The following KLF12 variants were observed in gnomAD, a reference collection of about 807,000 sequenced individuals.
The protein encoded by KLF12 is KLF transcription factor 12, also known as Krueppel-like factor 12.
A neutral mutation model predicts 37.8 loss-of-function variants in KLF12; 9 were observed. The observed-to-expected ratio is 0.24, with a 90% confidence interval of 0.14 to 0.42. The LOEUF (loss-of-function observed/expected upper bound fraction) is 0.42, where lower values mean the gene tolerates loss of function less well. Among genes scored for constraint, KLF12 ranks in the 10% least tolerant of loss-of-function variants. The pLI is 1.00. For missense variants in KLF12, 411 were observed against 516.0 expected (o/e 0.80, Z 1.97); for synonymous variants, 208 against 202.1 (o/e 1.03, Z -0.25).
chr13:73,783,910 A>G (rs1881140802), intron 5 of KLF12, among the ~76,000 whole-genome samples: 3 of 152,162 alleles, frequency 2.0e-5, no homozygotes, highest in Non-Finnish European at 4.4e-5. Context: ...CTATCATGTT[A>G]TATTTCCACA....
intron 4 of KLF12, among the ~76,000 whole-genome samples, chr13:73,842,744 A>G (rs2182667): frequency 0.33 from 50,634 of 152,140 alleles, 9,717 homozygotes; most frequent in Non-Finnish European, 0.44. Flanking sequence ...TCCTTTGCTC[A>G]TGCATACCAG....
upstream of KLF12, among the ~76,000 whole-genome samples, chr13:74,135,331 G>C (rs1221199431): frequency 6.6e-6 from 1 of 151,916 alleles, no homozygotes; most frequent in African/African-American, 2.4e-5. Flanking sequence ...GGGGCGGCGG[G>C]GAAGGGAGTC....
intron 3 of KLF12, among the ~76,000 whole-genome samples, chr13:73,925,231 G>A (rs981670964): frequency 6.6e-6 from 1 of 152,220 alleles, no homozygotes. Flanking sequence ...TCTAGGACTT[G>A]CATAGCAAGA....
the KLF12 span, among the ~76,000 whole-genome samples, chr13:74,173,706 T>C: frequency 1.3e-5 from 2 of 152,244 alleles, no homozygotes; most frequent in African/African-American, 4.8e-5. Context: ...CCTGTTGGGG[T>C]TTGAGACATT....
the KLF12 span, among the ~76,000 whole-genome samples, chr13:74,151,408 AG>A: frequency 1.3e-5 from 2 of 152,152 alleles, no homozygotes; most frequent in Non-Finnish European, 2.9e-5. Context: ...CCGAGCACTT[AG>A]GGAGCCCGAG....
chr13:74,165,892 A>G, the KLF12 span, among the ~76,000 whole-genome samples: 1 of 152,112 alleles, frequency 6.6e-6, no homozygotes, highest in Non-Finnish European at 1.5e-5. Flanking sequence ...AGGTTAGAGG[A>G]CCTCTGCCCA....
At chr13:73,797,002 T>TA (rs1468729413) in intron 5 of KLF12, among the ~76,000 whole-genome samples, 3 of 152,196 alleles carry the variant, frequency 2.0e-5, no homozygotes, top group African/African-American at 7.2e-5. Context: ...AGTGGCTGTC[T>TA]AGGGGTTTGG....
chr13:73,952,761 T>C (rs1375250762), intron 2 of KLF12, among the ~76,000 whole-genome samples: 1 of 152,184 alleles, frequency 6.6e-6, no homozygotes. Flanking sequence ...TGAAGGCTTA[T>C]TAAGCAAAAG....
At chr13:73,903,759 A>G (rs1204558097) in intron 3 of KLF12, among the ~76,000 whole-genome samples, 1 of 152,202 alleles carries the variant, frequency 6.6e-6, no homozygotes, top group East Asian at 1.9e-4. Flanking sequence ...GGAGGCGAGT[A>G]GTGGGCCAGT....
At chr13:73,720,573 G>GT (rs1376440563) in intron 6 of KLF12, among the ~76,000 whole-genome samples, 8 of 152,172 alleles carry the variant, frequency 5.3e-5, no homozygotes, top group Non-Finnish European at 1.0e-4. Flanking sequence ...ATTTAGAGTA[G>GT]TGAATGAACA....
intron 1 of KLF12, among the ~76,000 whole-genome samples, chr13:74,018,366 T>C (rs1374849177): frequency 6.6e-6 from 1 of 152,186 alleles, no homozygotes; most frequent in Non-Finnish European, 1.5e-5. Flanking sequence ...GAGAAATACA[T>C]TCAAGACATC....
chr13:74,078,144 G>A (rs1432596360), intron 1 of KLF12, among the ~76,000 whole-genome samples: 1 of 152,194 alleles, frequency 6.6e-6, no homozygotes, highest in Non-Finnish European at 1.5e-5. Context: ...AGGGGCATGG[G>A]AGTTCTGGAA....
chr13:73,775,291 C>T (rs1047980879), intron 5 of KLF12, among the ~76,000 whole-genome samples: 2 of 151,796 alleles, frequency 1.3e-5, no homozygotes, highest in Non-Finnish European at 2.9e-5. Flanking sequence ...GAACTGAGTA[C>T]AGAATTACTA....
intron 6 of KLF12, among the ~76,000 whole-genome samples, chr13:73,720,954 A>C (rs1003084397): frequency 6.6e-6 from 1 of 152,324 alleles, no homozygotes; most frequent in East Asian, 1.9e-4. Flanking sequence ...CCAGATTTAA[A>C]AACCAGAGCA....
chr13:73,775,610 T>C (rs1437902885), intron 5 of KLF12, among the ~76,000 whole-genome samples: 1 of 152,230 alleles, frequency 6.6e-6, no homozygotes, highest in East Asian at 1.9e-4. Flanking sequence ...TTACATGAAC[T>C]GAACTACTTT....
intron 2 of KLF12, among the ~76,000 whole-genome samples, chr13:73,948,236 T>G (rs1359752183): frequency 6.6e-6 from 1 of 152,136 alleles, no homozygotes; most frequent in African/African-American, 2.4e-5. Context: ...TTCTTTTTTT[T>G]TTTGAGACAG....
At chr13:73,863,411 T>C (rs1566424859) in intron 3 of KLF12, among the ~76,000 whole-genome samples, 1 of 152,120 alleles carries the variant, frequency 6.6e-6, no homozygotes, top group African/African-American at 2.4e-5. Flanking sequence ...TTTCTTATCC[T>C]TCTAAACTTC....
At chr13:74,013,686 C>A (rs531411261) in intron 1 of KLF12, among the ~76,000 whole-genome samples, 1 of 152,080 alleles carries the variant, frequency 6.6e-6, no homozygotes, top group African/African-American at 2.4e-5. Context: ...TATGAACTCA[C>A]ATAAAAAACA....
the KLF12 span, among the ~76,000 whole-genome samples, chr13:74,162,879 T>C: frequency 7.2e-5 from 11 of 151,922 alleles, no homozygotes; most frequent in African/African-American, 2.7e-4. Flanking sequence ...GGATTACAAA[T>C]GAAAATAAAT....
Sources: allele counts gnomAD v4.1 joint callset (sites outside exome capture counted in the v4.1 genomes callset), GRCh38; gene constraint gnomAD v4.1.1; transcripts MANE v1.5; gene names NCBI Gene and HGNC (gene_info 2026-07-23, HGNC 2026-07-21).